Variants in ABCC4 observed in about 807,000 individuals in gnomAD.
The protein encoded by ABCC4 is ATP binding cassette subfamily C member 4 (PEL blood group).
ABCC4 carries 102 observed loss-of-function variants against 168.5 expected under a neutral mutation model. The ratio of observed to expected loss-of-function variants is 0.61; its 90% CI spans 0.52 to 0.71. The LOEUF is 0.71. Among genes scored for constraint, ABCC4 ranks in the 30% least tolerant of loss-of-function variants. The probability of loss-of-function intolerance (pLI) is 0.00; values close to 1 mark genes in which losing one functional copy is unlikely to be tolerated. For missense variants in ABCC4, 1,402 were observed against 1,605.8 expected, an observed-to-expected ratio of 0.87 and a Z score of 2.17; for synonymous variants, 617 against 590.7, an observed-to-expected ratio of 1.04 and a Z score of -0.65.
chr13:95,247,767 A>G lies in ABCC4; in HGVS notation c.75-14T>C. On this transcript the variant is annotated splice_polypyrimidine_tract_variant and intron_variant, in intron 1 of 30. Transcript: ENST00000645237. ...GGATTGAGCCACCTGTTAACAAGAG[A>G]AAAGAGACATATATCCAGAATTACA... is the stretch of plus-strand genomic sequence containing the variant. 6.3e-7 allele frequency: 1 copy of G among 1,595,880 alleles called. No homozygotes were observed. Among genetic ancestry groups the G allele is most frequent in the Non-Finnish European group, 8.6e-7 (1 of 1,163,574 alleles).
intron 3 of ABCC4, among the ~76,000 whole-genome samples, chr13:95,244,063 A>G (rs968292649): frequency 6.6e-6 from 1 of 152,054 alleles, no homozygotes; most frequent in African/African-American, 2.4e-5. Flanking sequence ...GCCATGCCCC[A>G]CTGTTCCAGG....
At chr13:95,215,992 C>A (rs1257181451) in intron 4 of ABCC4, among the ~76,000 whole-genome samples, 3 of 152,092 alleles carry the variant, frequency 2.0e-5, no homozygotes, top group African/African-American at 7.2e-5. Flanking sequence ...TCTGTGTTAC[C>A]CTCAGCAGCT....
intron 11 of ABCC4, among the ~76,000 whole-genome samples, chr13:95,179,437 A>G (rs1006982542): frequency 2.0e-5 from 3 of 152,218 alleles, no homozygotes; most frequent in African/African-American, 4.8e-5. Context: ...AACAAAAGCT[A>G]GGAAGGAAAA....
At chr13:95,276,729 A>G (rs1268315884) in intron 1 of ABCC4, among the ~76,000 whole-genome samples, 5 of 152,186 alleles carry the variant, frequency 3.3e-5, no homozygotes, top group Admixed American at 3.3e-4. Flanking sequence ...AAAAGGATAC[A>G]ACCCACGGGC....
intron 19 of ABCC4, among the ~76,000 whole-genome samples, chr13:95,139,709 A>C (rs1482246606): frequency 1.3e-5 from 2 of 152,200 alleles, no homozygotes; most frequent in Non-Finnish European, 2.9e-5. Context: ...TGCAGCTTCA[A>C]GATATTTAAC....
intron 20 of ABCC4, among the ~76,000 whole-genome samples, chr13:95,093,142 A>G (rs1471296014): frequency 6.6e-6 from 1 of 152,172 alleles, no homozygotes; most frequent in Non-Finnish European, 1.5e-5. Context: ...AATCCTTTGG[A>G]CACTATTCCA....
chr13:95,126,265 G>A (rs1288130749), intron 19 of ABCC4, among the ~76,000 whole-genome samples: 1 of 152,046 alleles, frequency 6.6e-6, no homozygotes, highest in African/African-American at 2.4e-5. Flanking sequence ...TAAAAACAAG[G>A]GCCTAGACAT....
chr13:95,225,147 TCTCTCTCACACACACACA>T (rs1466385678), intron 4 of ABCC4, among the ~76,000 whole-genome samples: 2,019 of 100,774 alleles, frequency 0.02, 48 homozygotes, highest in African/African-American at 0.056. Flanking sequence ...TCTGTCTCTC[TCTCTCTCACACACACACA>T]CACACACACA....
intron 4 of ABCC4, among the ~76,000 whole-genome samples, chr13:95,211,433 C>T (rs892677893): frequency 6.6e-6 from 1 of 152,006 alleles, no homozygotes; most frequent in African/African-American, 2.4e-5. Context: ...TGGGAGAGAC[C>T]CTGGACGATG....
At chr13:95,244,196 G>C (rs777782454) in intron 3 of ABCC4, among the ~76,000 whole-genome samples, 1 of 152,100 alleles carries the variant, frequency 6.6e-6, no homozygotes, top group Admixed American at 6.6e-5. Flanking sequence ...CTAAGTCAGC[G>C]CTCCTGAGAC....
intron 24 of ABCC4, among the ~76,000 whole-genome samples, chr13:95,072,518 G>A (rs2033766554): frequency 1.3e-5 from 2 of 152,148 alleles, no homozygotes; most frequent in South Asian, 4.1e-4. Context: ...CCTGATATAG[G>A]TCAGTTAAAC....
intron 19 of ABCC4, among the ~76,000 whole-genome samples, chr13:95,132,373 GC>G (rs2035997636): frequency 6.6e-6 from 1 of 152,014 alleles, no homozygotes; most frequent in Non-Finnish European, 1.5e-5. Context: ...GCACTGCCAA[GC>G]CCGGCTAATT....
chr13:95,299,565 A>AT (rs201848023), intron 1 of ABCC4, among the ~76,000 whole-genome samples: 310 of 150,506 alleles, frequency 2.1e-3, no homozygotes, highest in Middle Eastern at 0.01. Context: ...TTTTTTTGCG[A>AT]TTTTTTTTTA....
At chr13:95,163,757 C>A (rs1179290792) in intron 16 of ABCC4, 110 bp from the exon 17 acceptor site, 3 of 896,822 alleles carry the variant, frequency 3.3e-6, no homozygotes, top group African/African-American at 1.7e-5. Context: ...CAAAGCCGGG[C>A]GTGGTGGCTC....
intron 30 of ABCC4, among the ~76,000 whole-genome samples, chr13:95,026,539 T>C (rs1423844906): frequency 6.6e-6 from 1 of 152,072 alleles, no homozygotes; most frequent in African/African-American, 2.4e-5. Flanking sequence ...TGAATCAAAG[T>C]CTGAAAGACT....
At chr13:95,225,149 TCTCTCACACACACACACA>T (rs1447750537) in intron 4 of ABCC4, among the ~76,000 whole-genome samples, 3,845 of 100,220 alleles carry the variant, frequency 0.038, 149 homozygotes, top group African/African-American at 0.15. Context: ...TGTCTCTCTC[TCTCTCACACACACACACA>T]CACACACACA....
intron 21 of ABCC4, 136 bp downstream of exon 21, chr13:95,083,004 G>T: frequency 4.2e-6 from 4 of 954,300 alleles, no homozygotes; most frequent in Non-Finnish European, 6.3e-6. Flanking sequence ...ATTCATAATG[G>T]CCAATACGTT....
At chr13:95,035,900 G>A (rs1274160863) in intron 29 of ABCC4, among the ~76,000 whole-genome samples, 1 of 152,216 alleles carries the variant, frequency 6.6e-6, no homozygotes, top group Non-Finnish European at 1.5e-5. Context: ...AGATATTGCA[G>A]TTAATTCCGT....
intron 14 of ABCC4, among the ~76,000 whole-genome samples, chr13:95,168,895 CT>C (rs1566485884): frequency 6.6e-6 from 1 of 151,966 alleles, no homozygotes; most frequent in African/African-American, 2.4e-5. Flanking sequence ...TGAATGTGGC[CT>C]TTTTTTTCAA....
Sources: gnomAD v4.1 joint callset for allele counts (sites outside exome capture counted in the v4.1 genomes callset) on GRCh38, gnomAD v4.1.1 for gene constraint, MANE v1.5 for transcripts, NCBI Gene and HGNC (gene_info 2026-07-23, HGNC 2026-07-21) for gene names.